LRRC4C: variants seen among roughly 807,000 people sequenced by gnomAD.
The protein encoded by LRRC4C is leucine rich repeat containing 4C.
In LRRC4C, 5 loss-of-function variants were observed where a neutral mutation model predicts 33.6. That is an observed-to-expected ratio of 0.15 (90% CI 0.08 to 0.31). The LOEUF (loss-of-function observed/expected upper bound fraction) is 0.31. Among genes scored for constraint, LRRC4C ranks in the 10% least tolerant of loss-of-function variants. The probability of loss-of-function intolerance (pLI) is 1.00; values close to 1 mark genes in which losing one functional copy is unlikely to be tolerated. For synonymous variants in LRRC4C, 329 were observed against 302.0 expected (o/e 1.09, Z -0.93); for missense variants, 560 against 796.7 (o/e 0.70, Z 3.58).
At chr11:41,451,018 T>G (rs1956003105) in intron 1 of LRRC4C, among the ~76,000 whole-genome samples, 1 of 152,124 alleles carries the variant, frequency 6.6e-6, no homozygotes, top group South Asian at 2.1e-4. Context: ...GTTTAGCAAG[T>G]TAATTGCTCC....
intron 1 of LRRC4C, among the ~76,000 whole-genome samples, chr11:41,207,462 T>G (rs1248591704): frequency 6.6e-6 from 1 of 152,166 alleles, no homozygotes; most frequent in Non-Finnish European, 1.5e-5. Flanking sequence ...TTTATGGAGA[T>G]AATGGCTTTA....
chr11:40,882,207 C>A (rs1425442717), intron 2 of LRRC4C, among the ~76,000 whole-genome samples: 1 of 152,066 alleles, frequency 6.6e-6, no homozygotes, highest in Non-Finnish European at 1.5e-5. Flanking sequence ...CACAACCCCA[C>A]AAGTGATCAT....
At chr11:40,665,362 A>G (rs867198449) in intron 2 of LRRC4C, among the ~76,000 whole-genome samples, 24 of 13,948 alleles carry the variant, frequency 1.7e-3, no homozygotes, top group Admixed American at 9.9e-3. Flanking sequence ...ATATATATAT[A>G]TGTATATATA....
At chr11:41,374,107 T>G (rs2137816396) in intron 1 of LRRC4C, among the ~76,000 whole-genome samples, 1 of 152,270 alleles carries the variant, frequency 6.6e-6, no homozygotes, top group East Asian at 1.9e-4. Context: ...TCCCCCAAAC[T>G]TCTAGACTTG....
intron 3 of LRRC4C, among the ~76,000 whole-genome samples, chr11:40,490,836 G>C (rs1273283189): frequency 6.6e-6 from 1 of 152,126 alleles, no homozygotes; most frequent in Non-Finnish European, 1.5e-5. Context: ...AAAATAAACA[G>C]GAGAGTTTTT....
At chr11:40,432,390 C>A (rs1950970054) in intron 3 of LRRC4C, among the ~76,000 whole-genome samples, 1 of 152,106 alleles carries the variant, frequency 6.6e-6, no homozygotes, top group Admixed American at 6.5e-5. Flanking sequence ...TGTTCTGTGC[C>A]ACAATGTAAT....
intron 1 of LRRC4C, among the ~76,000 whole-genome samples, chr11:41,028,162 ATT>A (rs200510926): frequency 3.3e-5 from 5 of 150,684 alleles, no homozygotes; most frequent in African/African-American, 4.9e-5. Flanking sequence ...AGGATCATCC[ATT>A]TTTTTTTAAA....
chr11:40,215,527 A>G (rs1377961974), intron 5 of LRRC4C, among the ~76,000 whole-genome samples: 1 of 152,172 alleles, frequency 6.6e-6, no homozygotes, highest in African/African-American at 2.4e-5. Flanking sequence ...GTAAAACTAA[A>G]TTCTATCCTT....
At chr11:40,346,212 T>G (rs2198310) in intron 3 of LRRC4C, among the ~76,000 whole-genome samples, 72,917 of 151,912 alleles carry the variant, frequency 0.48, 18,196 homozygotes, top group East Asian at 0.83. Flanking sequence ...TATACCCAAA[T>G]GAATATAAAT....
chr11:40,156,510 A>G (rs1565065338), intron 5 of LRRC4C, among the ~76,000 whole-genome samples: 2 of 152,196 alleles, frequency 1.3e-5, no homozygotes, highest in Non-Finnish European at 2.9e-5. Flanking sequence ...TTCTGGATAC[A>G]AGATTAATGT....
At chr11:41,132,288 C>T (rs1293115283) in intron 1 of LRRC4C, among the ~76,000 whole-genome samples, 1 of 152,088 alleles carries the variant, frequency 6.6e-6, no homozygotes, top group Admixed American at 6.6e-5. Context: ...AGAACTTATA[C>T]AGAATATTAT....
At chr11:40,319,368 G>T (rs1590302137) in intron 4 of LRRC4C, among the ~76,000 whole-genome samples, 1 of 152,148 alleles carries the variant, frequency 6.6e-6, no homozygotes. Flanking sequence ...CTGCCATGTT[G>T]GGAGAGCCTG....
At chr11:41,154,302 C>A (rs2135984074) in intron 1 of LRRC4C, among the ~76,000 whole-genome samples, 1 of 152,212 alleles carries the variant, frequency 6.6e-6, no homozygotes, top group East Asian at 1.9e-4. Context: ...ATTTCTTATC[C>A]TGTCTTTCTT....
intron 3 of LRRC4C, among the ~76,000 whole-genome samples, chr11:40,402,556 G>T (rs1030262626): frequency 6.6e-6 from 1 of 151,974 alleles, no homozygotes; most frequent in Non-Finnish European, 1.5e-5. Context: ...GATGTTATAT[G>T]AATTCACTTG....
At chr11:41,147,877 C>G (rs1024809229) in intron 1 of LRRC4C, among the ~76,000 whole-genome samples, 1 of 151,870 alleles carries the variant, frequency 6.6e-6, no homozygotes. Flanking sequence ...ATTGTTTGAT[C>G]CAGGAGTCCA....
At chr11:41,134,560 A>G (rs1283517628) in intron 1 of LRRC4C, among the ~76,000 whole-genome samples, 2 of 152,230 alleles carry the variant, frequency 1.3e-5, no homozygotes, top group Non-Finnish European at 2.9e-5. Flanking sequence ...AAAGCACCAC[A>G]GACTGGCTTA....
At position 40,356,277 on chromosome 11, in the gene LRRC4C, G is replaced by A. The variant is rs141516684; in HGVS notation, c.-269-36556C>T. On this transcript the variant is annotated intron_variant, in intron 3 of 6. Coordinates refer to ENST00000528697, the MANE Select transcript of LRRC4C (RefSeq NM_001258419.2). ...AATATTTAATAATTGGCTCTTATGCGTCAGAATGAGCCAGCTCCAGAACAC... is the reference window on the plus strand; with the variant it reads ...AATATTTAATAATTGGCTCTTATGCATCAGAATGAGCCAGCTCCAGAACAC... 2.0e-4 allele frequency among the ~76,000 whole-genome samples: 30 copies of A among 152,128 alleles called. No individual in the cohort carries two copies. In the East Asian group the frequency reaches 4.6e-3, roughly 24 times the overall value.
At chr11:40,206,859 C>T (rs1399401628) in intron 5 of LRRC4C, among the ~76,000 whole-genome samples, 1 of 152,066 alleles carries the variant, frequency 6.6e-6, no homozygotes, top group Non-Finnish European at 1.5e-5. Flanking sequence ...AATTCATATA[C>T]TCATTAGATT....
chr11:40,207,220 A>T (rs1863225178), intron 5 of LRRC4C, among the ~76,000 whole-genome samples: 1 of 152,158 alleles, frequency 6.6e-6, no homozygotes, highest in South Asian at 2.1e-4. Flanking sequence ...GAGGTAGAAT[A>T]AGAAGTTTGG....
Sources: gnomAD v4.1 joint callset for allele counts (sites outside exome capture counted in the v4.1 genomes callset) on GRCh38, gnomAD v4.1.1 for gene constraint, MANE v1.5 for transcripts, NCBI Gene and HGNC (gene_info 2026-07-23, HGNC 2026-07-21) for gene names.